ARHGEF26: variants seen among roughly 807,000 people sequenced by gnomAD.
The protein encoded by ARHGEF26 is Rho guanine nucleotide exchange factor 26.
A neutral mutation model predicts 89.4 loss-of-function variants in ARHGEF26; 59 were observed. The observed-to-expected ratio is 0.66, with a 90% confidence interval of 0.54 to 0.82. The LOEUF (loss-of-function observed/expected upper bound fraction) is 0.82, where lower values mean the gene tolerates loss of function less well. Among genes scored for constraint, ARHGEF26 ranks in the 40% least tolerant of loss-of-function variants. The pLI, the probability that ARHGEF26 is intolerant of heterozygous loss-of-function variation, is 0.00. For synonymous variants in ARHGEF26, 500 were observed against 428.4 expected, an observed-to-expected ratio of 1.17 and a Z score of -2.06; for missense variants, 1,234 against 1,085.6, an observed-to-expected ratio of 1.14 and a Z score of -1.92.
intron 6 of ARHGEF26, among the ~76,000 whole-genome samples, chr3:154,180,234 A>G (rs146767385): frequency 8.8e-4 from 134 of 152,284 alleles, no homozygotes; most frequent in Non-Finnish European, 1.5e-3. Flanking sequence ...CACTTTTACC[A>G]TGTAAGATAA....
chr3:154,242,361 A>T lies in ARHGEF26; in HGVS notation c.2300+1782A>T, dbSNP rs569224841. Among the ~76,000 whole-genome samples, 7 of 152,342 alleles carry T rather than the reference A, an allele frequency of 4.6e-5. 1 individual carries two copies. The South Asian group carries it at 1.4e-3, about 32-fold the overall frequency. On this transcript the variant is annotated intron_variant, in intron 12 of 14. Transcript: ENST00000465093. ...CATGAACAGGAGTTGGGAAAAGTTG[A>T]TTCCAACTCTCATGGATGACTTTGA...
At position 154,122,114 on chromosome 3, in the gene ARHGEF26, A is replaced by T. The variant is rs1717974574; in HGVS notation, c.122A>T (p.Gln41Leu). 1.2e-6 allele frequency: 2 copies of T among 1,609,706 alleles called. No homozygotes were observed. Among genetic ancestry groups the T allele is most frequent in the African/African-American group, 2.7e-5 (2 of 74,876 alleles). The part of the protein sequence containing the change: ...GRSKPRPQSY[Q>L]SPNGLLITDF... ...AGCAAGCCGAGGCCCCAGTCCTACC[A>T]GAGCCCCAACGGGTTACTAATTACG... Residue 41 changes from glutamine (Q) to leucine (L), a missense_variant, in exon 2 of 15, where the codon CAG (glutamine) becomes CTG (leucine). Coordinates refer to ENST00000465093, the MANE Select transcript of ARHGEF26 (RefSeq NM_015595.4).
At chr3:154,186,477 C>T (rs1310385663) in intron 6 of ARHGEF26, among the ~76,000 whole-genome samples, 2 of 152,034 alleles carry the variant, frequency 1.3e-5, no homozygotes, top group Non-Finnish European at 2.9e-5. Flanking sequence ...TCTGGTAACC[C>T]TGGCCGGGTG....
At chr3:154,194,611 C>G (rs774681499) in intron 8 of ARHGEF26, 33 bp from the exon 9 acceptor site, 3 of 1,465,524 alleles carry the variant, frequency 2.0e-6, no homozygotes, top group African/African-American at 2.8e-5. Flanking sequence ...TAAAATAGAT[C>G]AATAAATTTT....
chr3:154,201,660 C>T (rs1277135086), intron 9 of ARHGEF26, among the ~76,000 whole-genome samples: 2 of 150,584 alleles, frequency 1.3e-5, no homozygotes, highest in African/African-American at 4.8e-5. Context: ...TCCTCTCCAG[C>T]ACCTGTTGTT....
Position 154,129,580 on chromosome 3 carries a change from C to A in ARHGEF26, c.1130C>A (p.Ala377Asp). The change falls in exon 4 of 15, where the codon GCT (alanine) becomes GAT (aspartate). Residue 377 changes from alanine to aspartate, a missense_variant. Physicochemically the swap from Ala to Asp is moderately radical, Grantham distance 126 (BLOSUM62 -2). Transcript: ENST00000465093. ...AGGCCTTGTTTTCTTGCAGAAAATG[C>A]TGTCCTGTATCAAAACTACAAGGAA... ...GQGTFDGEEN[A>D]VLYQNYKEKA... 3 of 1,611,094 alleles carry A rather than the reference C, an allele frequency of 1.9e-6. No individual in the cohort carries two copies. The highest frequency in any genetic ancestry group is 2.5e-6 in the Non-Finnish European group (3 of 1,178,570).
At chr3:154,176,643 C>T (rs1019624258) in intron 6 of ARHGEF26, among the ~76,000 whole-genome samples, 9 of 152,058 alleles carry the variant, frequency 5.9e-5, no homozygotes, top group South Asian at 2.1e-4. Context: ...CAAGATGAGG[C>T]GTGCCTCTGT....
intron 9 of ARHGEF26, among the ~76,000 whole-genome samples, chr3:154,203,752 T>A (rs1481437748): frequency 2.6e-5 from 4 of 152,126 alleles, no homozygotes; most frequent in South Asian, 2.1e-4. Flanking sequence ...TTTTTTGTTC[T>A]TCATTTGGTT....
intron 5 of ARHGEF26, among the ~76,000 whole-genome samples, chr3:154,150,687 C>T (rs1448212212): frequency 6.6e-6 from 1 of 152,064 alleles, no homozygotes; most frequent in African/African-American, 2.4e-5. Flanking sequence ...AACATTGTGA[C>T]ATAAAAATGT....
chr3:154,183,306 A>T (rs1713297398), intron 6 of ARHGEF26, among the ~76,000 whole-genome samples: 1 of 152,208 alleles, frequency 6.6e-6, no homozygotes, highest in Admixed American at 6.5e-5. Context: ...AGGGAAAAAA[A>T]AGATAAAGGT....
chr3:154,125,485 AG>A (rs371489271), intron 3 of ARHGEF26, among the ~76,000 whole-genome samples: 247 of 152,266 alleles, frequency 1.6e-3, no homozygotes, highest in South Asian at 3.5e-3. Context: ...TGTCACACCT[AG>A]TTACACAGCC....
chr3:154,216,056 A>C (rs537269735), intron 9 of ARHGEF26, among the ~76,000 whole-genome samples: 1 of 152,300 alleles, frequency 6.6e-6, no homozygotes, highest in South Asian at 2.1e-4. Flanking sequence ...TCTGTTTCCA[A>C]CTACATCTGT....
At chr3:154,171,211 T>C (rs1471023096) in intron 6 of ARHGEF26, among the ~76,000 whole-genome samples, 1 of 152,204 alleles carries the variant, frequency 6.6e-6, no homozygotes, top group Non-Finnish European at 1.5e-5. Context: ...GTTTATATTT[T>C]AGAACAGTTT....
chr3:154,165,146 T>C (rs1711933205), intron 6 of ARHGEF26, among the ~76,000 whole-genome samples: 1 of 152,162 alleles, frequency 6.6e-6, no homozygotes, highest in Non-Finnish European at 1.5e-5. Flanking sequence ...TTTACCTCAC[T>C]TATGCTTATG....
rs1259849859 is a variant in ARHGEF26, at chr3:154,149,915, G to A, written c.1326+470G>A. On this transcript the variant is annotated intron_variant, in intron 5 of 14. Coordinates refer to ENST00000465093, the MANE Select transcript of ARHGEF26 (RefSeq NM_015595.4). The stretch of plus-strand genomic sequence containing the variant: ...ATTTAAAATTATACCAAAATAAAAA[G>A]TTTATTTAGTAAAAAAAAAAAAAAC... Among the ~76,000 whole-genome samples the A allele has an allele frequency of 1.4e-4, 20 of 144,022 alleles. 2 individuals carry two copies. The highest frequency in any genetic ancestry group is 4.9e-4 in the African/African-American group (19 of 39,140). 94.5% of individuals were successfully genotyped at this position (144,022 alleles called of 152,430 possible).
chr3:154,180,660 A>G (rs1361418506), intron 6 of ARHGEF26, among the ~76,000 whole-genome samples: 1 of 4,628 alleles, frequency 2.2e-4, no homozygotes, highest in East Asian at 0.056. Context: ...CTACCAGAGC[A>G]TTTTTGTTTA....
intron 6 of ARHGEF26, among the ~76,000 whole-genome samples, chr3:154,157,904 G>A (rs1254432169): frequency 6.6e-6 from 1 of 152,146 alleles, no homozygotes; most frequent in Non-Finnish European, 1.5e-5. Flanking sequence ...CAGTAGGGAT[G>A]TCAATTTGAG....
chr3:154,243,209 A>G (rs996636812), intron 12 of ARHGEF26, among the ~76,000 whole-genome samples: 1 of 152,218 alleles, frequency 6.6e-6, no homozygotes, highest in Admixed American at 6.5e-5. Flanking sequence ...CACTTTGGAA[A>G]TCAGTAATTT....
intron 11 of ARHGEF26, among the ~76,000 whole-genome samples, chr3:154,230,079 A>G (rs1286627917): frequency 2.0e-5 from 3 of 152,210 alleles, no homozygotes; most frequent in Non-Finnish European, 4.4e-5. Flanking sequence ...TAAAAGATTT[A>G]TTTTGTAAGA....
Sources: allele counts gnomAD v4.1 joint callset (sites outside exome capture counted in the v4.1 genomes callset), GRCh38; gene constraint gnomAD v4.1.1; transcripts MANE v1.5; gene names NCBI Gene and HGNC (gene_info 2026-07-23, HGNC 2026-07-21).